The following NRCAM variants were observed in gnomAD, a reference collection of about 807,000 sequenced individuals.
NRCAM encodes the protein neuronal cell adhesion molecule, also known as NgCAM-related cell adhesion molecule.
In NRCAM, 83 loss-of-function variants were observed where a neutral mutation model predicts 156.5. The observed-to-expected ratio is 0.53, with a 90% confidence interval of 0.44 to 0.64. NRCAM has a LOEUF of 0.64. Among genes scored for constraint, NRCAM ranks in the 30% least tolerant of loss-of-function variants. NRCAM has a pLI of 0.00. For missense variants in NRCAM, 1,417 were observed against 1,597.3 expected (o/e 0.89, Z 1.92); for synonymous variants, 538 against 563.9 (o/e 0.95, Z 0.65).
intron 1 of NRCAM, among the ~76,000 whole-genome samples, chr7:108,402,062 A>T (rs1441792992): frequency 6.6e-6 from 1 of 152,232 alleles, no homozygotes; most frequent in African/African-American, 2.4e-5. Flanking sequence ...GGAGAAGTTC[A>T]GCTCAGGCAG....
intron 27 of NRCAM, 131 bp from the exon 28 acceptor site, chr7:108,175,488 G>GT (rs1452704824): frequency 2.7e-6 from 2 of 745,980 alleles, no homozygotes; most frequent in African/African-American, 3.6e-5. Flanking sequence ...ACCACATCAG[G>GT]TATAGGGGAC....
intron 1 of NRCAM, among the ~76,000 whole-genome samples, chr7:108,409,543 G>A (rs545829860): frequency 5.3e-5 from 8 of 152,094 alleles, no homozygotes; most frequent in South Asian, 2.1e-4. Flanking sequence ...GCCATCTCGC[G>A]CATCACCCCA....
chr7:108,453,824 A>G (rs1168223931), intron 1 of NRCAM, among the ~76,000 whole-genome samples: 1 of 152,202 alleles, frequency 6.6e-6, no homozygotes, highest in Non-Finnish European at 1.5e-5. Flanking sequence ...CTTTTTTACT[A>G]GTTAACATGG....
chr7:108,356,573 T>C (rs983119848), intron 2 of NRCAM, among the ~76,000 whole-genome samples: 5 of 152,144 alleles, frequency 3.3e-5, no homozygotes, highest in African/African-American at 7.2e-5. Context: ...TATAAAAAAA[T>C]TGTTCTTTTT....
At position 108,204,294 on chromosome 7, in the gene NRCAM, G is replaced by A. The variant is rs1473061082; in HGVS notation, c.1207+3234C>T. ...GGAGATCAACACACAGTGGGGGCAT[G>A]CAGGGTTCACTTTGAACTTAGCTGT... On this transcript the variant is annotated intron_variant, in intron 13 of 32. Coordinates refer to ENST00000379028, the MANE Select transcript of NRCAM (RefSeq NM_001037132.4). Among the ~76,000 whole-genome samples, 7 of 152,350 alleles carry A rather than the reference G, an allele frequency of 4.6e-5. No homozygotes were observed. In the South Asian group the frequency reaches 6.2e-4, roughly 14 times the overall value.
In NRCAM at chr7:108,194,049, T is replaced by A; in HGVS notation, c.1753A>T (p.Asn585Tyr). 6.2e-7 allele frequency: 1 copy of A among 1,614,138 alleles called. No homozygotes were observed. Among genetic ancestry groups the A allele is most frequent in the Non-Finnish European group, 8.5e-7 (1 of 1,179,974 alleles). Residue 585 changes from asparagine to tyrosine, a missense_variant, in exon 17 of 33, where the codon AAC becomes TAC. This residue lies in a region of NRCAM where 1,238 missense variants were observed against 1,336.4 expected (regional missense o/e 0.93). Transcript: ENST00000379028. ...LSLTVLWLKD[N>Y]RELPSDERFT... is the part of the protein sequence containing the mutation. ...CTTTCATCACTGGGCAGTTCCCTGTTGTCCTTCAGCCACAGGACAGTGAGG... is the reference window on the plus strand; with the variant it reads ...CTTTCATCACTGGGCAGTTCCCTGTAGTCCTTCAGCCACAGGACAGTGAGG...
At chr7:108,236,622 T>G (rs2299999) in intron 5 of NRCAM, among the ~76,000 whole-genome samples, 44,479 of 152,094 alleles carry the variant, frequency 0.29, 7,056 homozygotes, top group African/African-American at 0.41. Flanking sequence ...GCTAGCAGGA[T>G]TAAGAAAATA....
intron 3 of NRCAM, among the ~76,000 whole-genome samples, chr7:108,243,897 A>C (rs1350416394): frequency 1.3e-5 from 2 of 152,192 alleles, no homozygotes; most frequent in African/African-American, 4.8e-5. Flanking sequence ...AAAGAAATGC[A>C]ATTCAAGGTT....
At position 108,226,365 on chromosome 7, in the gene NRCAM, A is replaced by T. The variant is rs775573668; in HGVS notation, c.564T>A (p.Leu188=). The T allele has an allele frequency of 2.5e-6, 4 of 1,611,826 alleles. No individual in the cohort carries two copies. The South Asian group carries it at 4.4e-5, about 18-fold the overall frequency. The part of the protein sequence containing the change: ...IFWMDNSFQR[L]PQSERVSQGL... The stretch of plus-strand genomic sequence containing the variant: ...CTTGAGAAACTCTCTCACTTTGTGG[A>T]AGTCTTTGAAAGGCTGGAGAAAGGC... Residue 188 remains leucine, a synonymous_variant, in exon 9 of 33, where the codon CTT becomes CTA. Transcript: ENST00000379028.
chr7:108,159,008 G>C (rs990163691), intron 32 of NRCAM, among the ~76,000 whole-genome samples: 32 of 152,158 alleles, frequency 2.1e-4, no homozygotes, highest in Admixed American at 2.0e-4. Flanking sequence ...CATGATTAAA[G>C]GGCAAGGGTA....
Position 108,173,348 on chromosome 7 carries a change from C to T in NRCAM, c.3187+1974G>A, listed in dbSNP as rs2059262086. On this transcript the variant is annotated intron_variant, in intron 28 of 32. Coordinates refer to ENST00000379028, the MANE Select transcript of NRCAM (RefSeq NM_001037132.4). ...CCTCTTTATTCATCTCTTATTTATT[C>T]CCTATTGTCCTGATTTAAATAAAAA... Among the ~76,000 whole-genome samples, 4 of 152,042 alleles carry T rather than the reference C, an allele frequency of 2.6e-5. No individual in the cohort carries two copies. In the South Asian group the frequency reaches 8.3e-4, roughly 32 times the overall value.
rs183042141 is a variant in NRCAM at position 108,266,764 on chromosome 7, G to A, written c.-106-26594C>T. On this transcript the variant is annotated intron_variant, in intron 3 of 32. Coordinates refer to ENST00000379028, the MANE Select transcript of NRCAM (RefSeq NM_001037132.4). ...AGGTCTCCTGCCATCTGATCCATAC[G>A]CCACACTTCAGGCTATGTTATCCCT... 4.6e-5 allele frequency among the ~76,000 whole-genome samples: 7 copies of A among 152,168 alleles called. No homozygotes were observed. In the East Asian group the frequency reaches 7.7e-4, roughly 17 times the overall value.
chr7:108,197,281 G>T (rs891176240), intron 14 of NRCAM, among the ~76,000 whole-genome samples: 8 of 152,160 alleles, frequency 5.3e-5, no homozygotes, highest in African/African-American at 1.9e-4. Context: ...TTTCAAGCAT[G>T]AAAGGAAAAT....
chr7:108,316,541 C>T lies in NRCAM; in HGVS notation c.-173-3810G>A, dbSNP rs541095115. Reference sequence around the variant, plus strand: ...CTGTAATCCCAGCACTTTGGGAGGCCGAAGCAGGCAGATCACGAAGTCAGG... The same window carrying T: ...CTGTAATCCCAGCACTTTGGGAGGCTGAAGCAGGCAGATCACGAAGTCAGG... On this transcript the variant is annotated intron_variant, in intron 2 of 32. Coordinates refer to ENST00000379028, the MANE Select transcript of NRCAM (RefSeq NM_001037132.4). 3.7e-3 allele frequency among the ~76,000 whole-genome samples: 560 copies of T among 151,848 alleles called. 4 individuals carry two copies. The highest frequency in any genetic ancestry group is 6.8e-3 in the Middle Eastern group (2 of 292).
intron 19 of NRCAM, among the ~76,000 whole-genome samples, chr7:108,190,608 C>T (rs767607133): frequency 5.3e-5 from 8 of 151,938 alleles, no homozygotes; most frequent in Non-Finnish European, 7.4e-5. Flanking sequence ...TTTGTATTGA[C>T]GTACTGAATA....
intron 19 of NRCAM, among the ~76,000 whole-genome samples, chr7:108,190,263 G>T (rs956897178): frequency 7.9e-5 from 12 of 152,162 alleles, no homozygotes; most frequent in African/African-American, 2.9e-4. Context: ...TGCTATGGAG[G>T]TAGCCCTCAG....
intron 2 of NRCAM, among the ~76,000 whole-genome samples, chr7:108,374,387 T>C (rs1332206649): frequency 2.1e-5 from 3 of 139,818 alleles, no homozygotes; most frequent in African/African-American, 8.2e-5. Flanking sequence ...ATGACCAAAT[T>C]ATCATCTCAT....
At chr7:108,403,612 T>G (rs2154399228) in intron 1 of NRCAM, among the ~76,000 whole-genome samples, 1 of 152,198 alleles carries the variant, frequency 6.6e-6, no homozygotes. Context: ...TGGATAAAGG[T>G]TTTAACATTT....
chr7:108,244,156 G>T lies in NRCAM; in HGVS notation c.-106-3986C>A, dbSNP rs973435159. 2.0e-5 allele frequency among the ~76,000 whole-genome samples: 3 copies of T among 152,138 alleles called. No homozygotes were observed. In the East Asian group the frequency reaches 5.8e-4, roughly 29 times the overall value. ...AAAAATCAGCTCTCTACCAGAATTT[G>T]AAGGCCACGCATTACTCGCCATTTC... On this transcript the variant is annotated intron_variant, in intron 3 of 32. Transcript: ENST00000379028.
Sources: gnomAD v4.1 joint callset for allele counts (sites outside exome capture counted in the v4.1 genomes callset) on GRCh38, gnomAD v4.1.1 for gene constraint, gnomAD v4.1.1 regional missense constraint, MANE v1.5 for transcripts, NCBI Gene and HGNC (gene_info 2026-07-23, HGNC 2026-07-21) for gene names.